The following SPTA1 variants were observed in gnomAD, a reference collection of about 807,000 sequenced individuals.
SPTA1 encodes the protein spectrin alpha chain, erythrocytic 1.
A neutral mutation model predicts 324.7 loss-of-function variants in SPTA1; 177 were observed. That is an observed-to-expected ratio of 0.55 (90% CI 0.48 to 0.62). The LOEUF (loss-of-function observed/expected upper bound fraction) is 0.62, where lower values mean the gene tolerates loss of function less well. Among genes scored for constraint, SPTA1 ranks in the 20% least tolerant of loss-of-function variants. The pLI, the probability that SPTA1 is intolerant of heterozygous loss-of-function variation, is 0.00. For synonymous variants in SPTA1, 1,195 were observed against 1,041.3 expected (o/e 1.15, Z -2.84); for missense variants, 3,162 against 2,883.6 (o/e 1.10, Z -2.21).
chr1:158,656,324 A>T (rs946035970), intron 20 of SPTA1, among the ~76,000 whole-genome samples: 1 of 152,244 alleles, frequency 6.6e-6, no homozygotes, highest in African/African-American at 2.4e-5. Context: ...GGAAGGAAAG[A>T]GGAAAGCCAA....
In SPTA1 at chr1:158,685,341, C is replaced by T; in HGVS notation, c.31G>A (p.Glu11Lys). Reference protein sequence around the residue: MEQFPKETVVESSGPKVLETA... With the variant: MEQFPKETVVKSSGPKVLETA... ...TCCAAAACCTTTGGCCCACTGCTCT[C>T]CACAACCTGCAAGTTAAAAAGATTC... Residue 11 changes from glutamate to lysine, a missense_variant, in exon 2 of 52, where the codon GAG becomes AAG. Physicochemically the swap from Glu to Lys is moderately conservative, Grantham distance 56 (BLOSUM62 1). Coordinates refer to ENST00000643759, the MANE Select transcript of SPTA1 (RefSeq NM_003126.4). 1.2e-6 allele frequency: 2 copies of T among 1,613,350 alleles called. No individual in the cohort carries two copies. Among genetic ancestry groups the T allele is most frequent in the Non-Finnish European group, 1.7e-6 (2 of 1,179,796 alleles).
At chr1:158,657,428 T>G (rs1652905219) in intron 19 of SPTA1, 49 bp downstream of exon 19, 1 of 1,543,168 alleles carries the variant, frequency 6.5e-7, no homozygotes, top group East Asian at 2.2e-5. Flanking sequence ...ATTGATAATT[T>G]GGTTGCGTTT....
At chr1:158,629,819 T>G (rs1262655643) in intron 39 of SPTA1, among the ~76,000 whole-genome samples, 1 of 151,436 alleles carries the variant, frequency 6.6e-6, no homozygotes, top group African/African-American at 2.4e-5. Flanking sequence ...AGAATAAAAC[T>G]CAAAACATAA....
chr1:158,654,855 T>A, intron 20 of SPTA1, 107 bp from the exon 21 acceptor site: 1 of 1,491,048 alleles, frequency 6.7e-7, no homozygotes, highest in Non-Finnish European at 9.2e-7. Context: ...AAAGAGCCTC[T>A]GGCTGGAACC....
intron 24 of SPTA1, among the ~76,000 whole-genome samples, chr1:158,650,180 G>A (rs931116161): frequency 3.3e-5 from 5 of 152,142 alleles, no homozygotes; most frequent in East Asian, 1.9e-4. Flanking sequence ...CATCAACTCC[G>A]GAGCAGTAAA....
At chr1:158,669,831 A>T in intron 12 of SPTA1, 45 bp from the exon 13 acceptor site, 1 of 1,593,706 alleles carries the variant, frequency 6.3e-7, no homozygotes, top group Non-Finnish European at 8.6e-7. Flanking sequence ...TTCAGTGACC[A>T]CTGAGTAAGT....
In SPTA1 at chr1:158,635,764, G is replaced by A. The variant is rs1016436347; in HGVS notation, c.5432+149C>T. The A allele has an allele frequency of 5.1e-6, 6 of 1,182,906 alleles. No individual in the cohort carries two copies. The African/African-American group carries it at 9.1e-5, about 18-fold the overall frequency. The allele number at this position is 1,182,906 out of a possible 1,614,324, so 73.3% of individuals were successfully genotyped here. A position where few individuals can be genotyped will look rare whatever the true frequency, so the allele number is the denominator to read the frequency against. On this transcript the variant is annotated intron_variant, in intron 38 of 51. Transcript: ENST00000643759. The stretch of plus-strand genomic sequence containing the variant: ...GGGGTATATGGAGGAAAGCTTTGTG[G>A]TAAACTTGTCATTTGAGAAGGGACT...
At position 158,636,679 on chromosome 1, in the gene SPTA1, G is replaced by C. The variant is rs758658038; in HGVS notation, c.5272C>G (p.Leu1758Val). The C allele has an allele frequency of 1.9e-6, 3 of 1,614,054 alleles. No homozygotes were observed. In the South Asian group the frequency reaches 3.3e-5, roughly 18 times the overall value. The change falls in exon 37 of 52, where the codon CTA (leucine) becomes GTA (valine). Residue 1758 changes from leucine (L) to valine (V), a missense_variant. By Grantham distance (32) the Leu-to-Val change is conservative. Transcript: ENST00000643759. ...VQNLLKKHKR[L>V]EGELVAHEPA... The stretch of plus-strand genomic sequence containing the variant: ...TCATGGGCCACCAGCTCCCCCTCTA[G>C]GCGTTTGTGCTTCTTCAGCAAGTTC...
chr1:158,611,971 A>G (rs1456330301), intron 51 of SPTA1: 1 of 156,294 alleles, frequency 6.4e-6, no homozygotes, highest in East Asian at 1.9e-4. Context: ...TCTTTTTGTA[A>G]CAGCTTTGTC....
At chr1:158,623,877 T>C (rs908079333) in intron 42 of SPTA1, among the ~76,000 whole-genome samples, 15 of 152,108 alleles carry the variant, frequency 9.9e-5, no homozygotes, top group Non-Finnish European at 2.2e-4. Context: ...CAGGTAGGGG[T>C]TCCTGGGCTG....
chr1:158,676,231 A>T lies in SPTA1; in HGVS notation c.1022T>A (p.Ile341Asn). The change falls in exon 8 of 52, where the codon ATC (isoleucine) becomes AAC (asparagine). Residue 341 changes from isoleucine (I) to asparagine (N), a missense_variant. Ile to Asn is a moderately radical substitution (Grantham distance 149, BLOSUM62 -3). Transcript: ENST00000643759. ...GACCAGATCTTCTTTCATCTCCTGGATCTGAGGTGCATCTGAAGGATGGGA... is the reference window on the plus strand; with the variant it reads ...GACCAGATCTTCTTTCATCTCCTGGTTCTGAGGTGCATCTGAAGGATGGGA... ...TLSHPSDAPQ[I>N]QEMKEDLVSS... 1 of 1,613,650 alleles carries T rather than the reference A, an allele frequency of 6.2e-7. No individual in the cohort carries two copies. Among genetic ancestry groups the T allele is most frequent in the Non-Finnish European group, 8.5e-7 (1 of 1,179,718 alleles).
In SPTA1 at chr1:158,636,763, T is replaced by TA. The variant is rs1557940594; in HGVS notation, c.5190-3dup. The TA allele has an allele frequency of 6.2e-7, 1 of 1,614,030 alleles. No homozygotes were observed. The highest frequency in any genetic ancestry group is 1.7e-5 in the Admixed American group (1 of 60,004). ...GAGCTCACTCGTATCAACTTCTCCCTAAAATCAAGGAAGAAAACAGAAAGT... is the reference window on the plus strand; with the variant it reads ...GAGCTCACTCGTATCAACTTCTCCCTAAAAATCAAGGAAGAAAACAGAAAGT... On this transcript the variant is annotated splice_polypyrimidine_tract_variant and splice_region_variant and intron_variant, in intron 36 of 51. Transcript: ENST00000643759.
At chr1:158,662,635 CA>C in intron 17 of SPTA1, 66 bp downstream of exon 17, 2 of 1,608,684 alleles carry the variant, frequency 1.2e-6, no homozygotes, top group Non-Finnish European at 1.7e-6. Context: ...TACTGTACCC[CA>C]GATCTCTCTC....
Position 158,649,905 on chromosome 1 carries a change from C to G in SPTA1, c.3520G>C (p.Glu1174Gln). The G allele has an allele frequency of 6.2e-7, 1 of 1,613,890 alleles. No individual in the cohort carries two copies. Among genetic ancestry groups the G allele is most frequent in the Non-Finnish European group, 8.5e-7 (1 of 1,179,900 alleles). Residue 1174 changes from glutamate (E) to glutamine (Q), a missense_variant, in exon 25 of 52, where the codon GAA (glutamate) becomes CAA (glutamine). Physicochemically the swap from Glu to Gln is conservative, Grantham distance 29. Coordinates refer to ENST00000643759, the MANE Select transcript of SPTA1 (RefSeq NM_003126.4). Reference sequence around the variant, plus strand: ...GCACTGCCCAGCAGCTGCCGCTGTTCATCTGCAAGCCTCTGCAAAGAACCC... The same window carrying G: ...GCACTGCCCAGCAGCTGCCGCTGTTGATCTGCAAGCCTCTGCAAAGAACCC... ...RWGSLQRLADEQRQLLGSAHA... is the reference protein window; with the variant it reads ...RWGSLQRLADQQRQLLGSAHA...
intron 6 of SPTA1, 100 bp downstream of exon 6, chr1:158,678,301 G>T: frequency 6.6e-7 from 1 of 1,512,980 alleles, no homozygotes; most frequent in Non-Finnish European, 9.2e-7. Context: ...TTGAAGTGTT[G>T]ACCATTAATT....
At chr1:158,630,889 C>T (rs1336929350) in intron 39 of SPTA1, among the ~76,000 whole-genome samples, 1 of 152,044 alleles carries the variant, frequency 6.6e-6, no homozygotes, top group South Asian at 2.1e-4. Flanking sequence ...TTCAATATCA[C>T]TAATTATCAG....
At chr1:158,646,043 A>C (rs1366413251) in intron 27 of SPTA1, among the ~76,000 whole-genome samples, 1 of 152,204 alleles carries the variant, frequency 6.6e-6, no homozygotes, top group Admixed American at 6.5e-5. Flanking sequence ...ATCTTATTAC[A>C]GAGTCTCAAA....
rs1653121917 is a variant in SPTA1 at position 158,660,270 on chromosome 1, T to C, written c.2587+1017A>G. ...AGAATAAAAACAAGGCCTGATTATATGCTATTTATAAGAATCTCACTTTAA... is the reference window on the plus strand; with the variant it reads ...AGAATAAAAACAAGGCCTGATTATACGCTATTTATAAGAATCTCACTTTAA... On this transcript the variant is annotated intron_variant, in intron 18 of 51. Coordinates refer to ENST00000643759, the MANE Select transcript of SPTA1 (RefSeq NM_003126.4). Among the ~76,000 whole-genome samples, 3 of 152,166 alleles carry C rather than the reference T, an allele frequency of 2.0e-5. No homozygotes were observed. In the South Asian group the frequency reaches 6.2e-4, roughly 31 times the overall value.
rs1651410305 is a variant in SPTA1 at position 158,639,904 on chromosome 1, G to A, written c.4841C>T (p.Thr1614Ile). ...NEASRQQRFN[T>I]SIRDFEFWLS... ...CCAGAACTCAAAGTCCCGGATGCTT[G>A]TGTTGAACCTCTGTTGACGACTGGC... The change falls in exon 34 of 52, where the codon ACA becomes ATA. Residue 1614 changes from threonine to isoleucine, a missense_variant. By Grantham distance (89) the Thr-to-Ile change is moderately conservative. Coordinates refer to ENST00000643759, the MANE Select transcript of SPTA1 (RefSeq NM_003126.4). 2 of 1,613,962 alleles carry A rather than the reference G, an allele frequency of 1.2e-6. No individual in the cohort carries two copies. The highest frequency in any genetic ancestry group is 1.7e-6 in the Non-Finnish European group (2 of 1,179,926).
Sources: allele counts gnomAD v4.1 joint callset (sites outside exome capture counted in the v4.1 genomes callset), GRCh38; gene constraint gnomAD v4.1.1; transcripts MANE v1.5; gene names NCBI Gene and HGNC (gene_info 2026-07-23, HGNC 2026-07-21).